Variants in ALG12 observed in about 807,000 individuals in gnomAD.
The protein encoded by ALG12 is ALG12 alpha-1,6-mannosyltransferase.
Under a neutral mutation model 46.0 loss-of-function variants are expected in ALG12, and 36 were observed. That is an observed-to-expected ratio of 0.78 (90% CI 0.60 to 1.03). ALG12 has a LOEUF of 1.03. Ranked by LOEUF, ALG12 falls within the 50% of genes least tolerant of loss-of-function variation. The pLI is 0.00. For missense variants in ALG12, 599 were observed against 633.5 expected, an observed-to-expected ratio of 0.95 and a Z score of 0.58; for synonymous variants, 326 against 291.6, an observed-to-expected ratio of 1.12 and a Z score of -1.20.
chr22:49,891,098 G>A, the ALG12 span, among the ~76,000 whole-genome samples: 2 of 152,008 alleles, frequency 1.3e-5, no homozygotes, highest in Non-Finnish European at 2.9e-5. Context: ...AGCATCCCAA[G>A]AAACTGTTGC....
the ALG12 span, among the ~76,000 whole-genome samples, chr22:49,863,589 C>T: frequency 4.0e-5 from 6 of 150,922 alleles, no homozygotes; most frequent in East Asian, 3.9e-4. Context: ...ATCGCGCCAC[C>T]GCACTCCAGC....
intron 8 of ALG12, 23 bp from the exon 9 acceptor site, chr22:49,904,277 C>CA: frequency 6.2e-7 from 1 of 1,614,102 alleles, no homozygotes; most frequent in Non-Finnish European, 8.5e-7. Context: ...GGCCTGCCGT[C>CA]AGAGCCCAGC....
At position 49,909,367 on chromosome 22, in the gene ALG12, T is replaced by A. The variant is rs745351257; in HGVS notation, c.665-20A>T. 1.4e-5 allele frequency: 22 copies of A among 1,612,060 alleles called. No individual in the cohort carries two copies. Among genetic ancestry groups the A allele is most frequent in the Non-Finnish European group, 1.3e-5 (15 of 1,178,788 alleles). ...TCAGTCCTGACAAAATAAAATAGAG[T>A]TTCTTAGTCGCAAACACAGCCATCA... On this transcript the variant is annotated intron_variant, in intron 5 of 9. Coordinates refer to ENST00000330817, the MANE Select transcript of ALG12 (RefSeq NM_024105.4).
In ALG12 at chr22:49,905,126, A is replaced by G. The variant is rs1006054040; in HGVS notation, c.993-620T>C. 2.0e-5 allele frequency among the ~76,000 whole-genome samples: 3 copies of G among 152,170 alleles called. No individual in the cohort carries two copies. The highest frequency in any genetic ancestry group is 4.4e-5 in the Non-Finnish European group (3 of 68,022). On this transcript the variant is annotated intron_variant, in intron 7 of 9. Transcript: ENST00000330817. This position sits in a 1 kb window ranked among gnomAD's most constrained non-coding sequence, Gnocchi z 4.9. ...AGCCCACTCCCAGCAGGTCTGAGTGAACTCTCTGGGACAGGGTGCCGCCGG... is the reference window on the plus strand; with the variant it reads ...AGCCCACTCCCAGCAGGTCTGAGTGGACTCTCTGGGACAGGGTGCCGCCGG...
the ALG12 span, among the ~76,000 whole-genome samples, chr22:49,871,902 T>C: frequency 3.3e-5 from 5 of 151,894 alleles, no homozygotes; most frequent in Non-Finnish European, 5.9e-5. Flanking sequence ...CACACCAACA[T>C]GCCCAGCTAA....
At chr22:49,870,195 A>C in the ALG12 span, among the ~76,000 whole-genome samples, 1 of 152,162 alleles carries the variant, frequency 6.6e-6, no homozygotes, top group Non-Finnish European at 1.5e-5. Context: ...CATGGTGTGG[A>C]TATACCACAT....
the ALG12 span, chr22:49,885,934 C>T: frequency 1.6e-5 from 13 of 817,164 alleles, no homozygotes; most frequent in South Asian, 3.0e-5. Flanking sequence ...GTCGCCAGCC[C>T]GGCCGCGCTG....
At chr22:49,883,991 G>A in the ALG12 span, 165 of 1,612,984 alleles carry the variant, frequency 1.0e-4, no homozygotes, top group African/African-American at 1.5e-3. Flanking sequence ...CTTTCCAGCC[G>A]GAACATGAGC....
the ALG12 span, among the ~76,000 whole-genome samples, chr22:49,862,574 C>T: frequency 1.8e-4 from 28 of 152,132 alleles, no homozygotes; most frequent in African/African-American, 6.0e-4. Flanking sequence ...AGCCCCTGTG[C>T]GTGCCGCCCC....
the ALG12 span, chr22:49,883,978 C>T: frequency 3.7e-6 from 6 of 1,613,468 alleles, no homozygotes; most frequent in East Asian, 1.3e-4. Context: ...GACCCAGAGC[C>T]TCCTTTCCAG....
chr22:49,905,295 A>AC lies in ALG12; in HGVS notation c.993-790dup, dbSNP rs1385754932. ...GCCAACCCTGGTCTAAACGCCCTGA[A>AC]CCCCCGATCAAGACTCACTCTCTTC... On this transcript the variant is annotated intron_variant, in intron 7 of 9. Transcript: ENST00000330817. The surrounding 1 kb of genome is among the most constrained non-coding windows in gnomAD (Gnocchi z 4.9). 1.3e-5 allele frequency among the ~76,000 whole-genome samples: 2 copies of AC among 151,738 alleles called. No individual in the cohort carries two copies. Among genetic ancestry groups the AC allele is most frequent in the Non-Finnish European group, 2.9e-5 (2 of 67,936 alleles).
chr22:49,885,126 G>T, the ALG12 span: 5 of 1,614,132 alleles, frequency 3.1e-6, no homozygotes, highest in African/African-American at 6.7e-5. Context: ...GCCGGGGGAA[G>T]AAGGGTGATG....
chr22:49,910,378 CAG>C (rs2060569405), intron 4 of ALG12, 54 bp downstream of exon 4: 10 of 1,589,860 alleles, frequency 6.3e-6, no homozygotes, highest in East Asian at 2.3e-5. Flanking sequence ...CAGCCCGACT[CAG>C]GGGAGCCCCT....
At chr22:49,865,504 A>T in the ALG12 span, among the ~76,000 whole-genome samples, 97,440 of 151,556 alleles carry the variant, frequency 0.64, 35,421 homozygotes, top group East Asian at 0.84. Flanking sequence ...AAAAAAAAAA[A>T]AATAATAACC....
In ALG12 at chr22:49,907,759, G is replaced by C. The variant is rs1315634678; in HGVS notation, c.954C>G (p.Pro318=). ...KELRFIIYAF[P]MLNITAARGC... is the part of the protein sequence containing the mutation. ...CTCTGGCAGCCGTGATGTTGAGCATGGGGAAGGCATAGATGATGAAGCGTA... is the reference window on the plus strand; with the variant it reads ...CTCTGGCAGCCGTGATGTTGAGCATCGGGAAGGCATAGATGATGAAGCGTA... Residue 318 remains proline (P), a synonymous_variant, in exon 7 of 10, where the codon CCC becomes CCG. Transcript: ENST00000330817. 5.6e-6 allele frequency: 9 copies of C among 1,614,014 alleles called. No homozygotes were observed. Among genetic ancestry groups the C allele is most frequent in the Non-Finnish European group, 6.8e-6 (8 of 1,180,044 alleles).
At chr22:49,872,959 G>A in the ALG12 span, among the ~76,000 whole-genome samples, 2 of 152,122 alleles carry the variant, frequency 1.3e-5, no homozygotes, top group Non-Finnish European at 2.9e-5. Flanking sequence ...GCCTCCCAAA[G>A]TGCTAGGATT....
chr22:49,904,618 CA>C, intron 7 of ALG12, 112 bp from the exon 8 acceptor site: 2 of 1,229,980 alleles, frequency 1.6e-6, no homozygotes, highest in Non-Finnish European at 2.3e-6. Flanking sequence ...CAAGTCATAA[CA>C]AAGAGTTCAC....
At chr22:49,883,914 C>T in the ALG12 span, 17 of 1,608,860 alleles carry the variant, frequency 1.1e-5, no homozygotes, top group East Asian at 2.2e-5. Flanking sequence ...ATGACTATGG[C>T]GCGCTGTTCT....
the ALG12 span, among the ~76,000 whole-genome samples, chr22:49,880,749 T>C: frequency 6.6e-6 from 1 of 152,264 alleles, no homozygotes; most frequent in Admixed American, 6.5e-5. Flanking sequence ...TTTAGACTTC[T>C]GTTTATCAGC....
Sources: gnomAD v4.1 joint callset for allele counts (sites outside exome capture counted in the v4.1 genomes callset) on GRCh38, gnomAD v4.1.1 for gene constraint, Gnocchi (gnomAD v3.1) non-coding constraint, MANE v1.5 for transcripts, NCBI Gene and HGNC (gene_info 2026-07-23, HGNC 2026-07-21) for gene names.